PELP1: variants seen among roughly 807,000 people sequenced by gnomAD.
PELP1 encodes the protein proline-, glutamic acid- and leucine-rich protein 1.
PELP1 carries 32 observed loss-of-function variants against 95.5 expected under a neutral mutation model. The observed-to-expected ratio is 0.34, with a 90% CI of 0.25 to 0.45. The LOEUF is 0.45. Ranked by LOEUF, PELP1 falls within the 20% of genes least tolerant of loss-of-function variation. The probability of loss-of-function intolerance (pLI) is 1.00; values close to 1 mark genes in which losing one functional copy is unlikely to be tolerated. For missense variants in PELP1, 1,358 were observed against 1,444.8 expected (o/e 0.94, Z 0.97); for synonymous variants, 668 against 600.1 (o/e 1.11, Z -1.65).
In PELP1 at chr17:4,676,749, T is replaced by C; in HGVS notation, c.702+4A>G. ...GGCTCTCCCTCTCCCTCCCTGCCCTTTACCTGTTGGAGCTGAGGGCTCAAG... is the reference window on the plus strand; with the variant it reads ...GGCTCTCCCTCTCCCTCCCTGCCCTCTACCTGTTGGAGCTGAGGGCTCAAG... On this transcript the variant is annotated splice_donor_region_variant and intron_variant, in intron 6 of 16. Coordinates refer to ENST00000572293, the MANE Select transcript of PELP1 (RefSeq NM_014389.3). 6.4e-7 allele frequency: 1 copy of C among 1,566,942 alleles called. No individual in the cohort carries two copies. Among genetic ancestry groups the C allele is most frequent in the East Asian group, 2.4e-5 (1 of 42,172 alleles).
chr17:4,679,796 AGCT>A (rs1912626288), intron 5 of PELP1, among the ~76,000 whole-genome samples: 1 of 152,224 alleles, frequency 6.6e-6, no homozygotes, highest in Non-Finnish European at 1.5e-5. Flanking sequence ...AGATTCTATT[AGCT>A]GTGATTAGAG....
At chr17:4,698,415 C>T (rs1440521334) in intron 1 of PELP1, among the ~76,000 whole-genome samples, 1 of 150,980 alleles carries the variant, frequency 6.6e-6, no homozygotes, top group Non-Finnish European at 1.5e-5. Flanking sequence ...GGTGGATGAT[C>T]TGAGGTCAGG....
chr17:4,675,870 G>T lies in PELP1; in HGVS notation c.995C>A (p.Ala332Asp). The change falls in exon 9 of 17, where the codon GCT becomes GAT. Residue 332 changes from alanine (A) to aspartate (D), a missense_variant. Ala to Asp is a moderately radical substitution (Grantham distance 126, BLOSUM62 -2). Coordinates refer to ENST00000572293, the MANE Select transcript of PELP1 (RefSeq NM_014389.3). This position sits in a 1 kb window ranked among gnomAD's most constrained non-coding sequence, Gnocchi z 4.3. ...TTCCTGCACAGGGACGGACACGGGA[G>T]CTCCAAACTCAGAGCTAAAGAGAAT... ...LGLMLSSEFG[A>D]PVSVPVQEIL... 6.3e-7 allele frequency: 1 copy of T among 1,592,152 alleles called. No homozygotes were observed. The highest frequency in any genetic ancestry group is 8.6e-7 in the Non-Finnish European group (1 of 1,169,254).
Position 4,682,827 on chromosome 17 carries a change from G to C in PELP1, c.546C>G (p.Thr182=). ...ISMNHLPGLL[T]SLLGLRPECE... ...CCTCTGGCCTGAGGCCCAGCAGGGA[G>C]GTGAGAAGGCCAGGGAGGTGGTTCA... Residue 182 remains threonine, a synonymous_variant, in exon 4 of 17, where the codon ACC becomes ACG. Coordinates refer to ENST00000572293, the MANE Select transcript of PELP1 (RefSeq NM_014389.3). The C allele has an allele frequency of 6.3e-7, 1 of 1,594,028 alleles. No homozygotes were observed. The highest frequency in any genetic ancestry group is 8.5e-7 in the Non-Finnish European group (1 of 1,171,748).
Position 4,683,387 on chromosome 17 carries a change from A to C in PELP1, c.421-435T>G, listed in dbSNP as rs373130617. Among the ~76,000 whole-genome samples, 20 of 151,566 alleles carry C rather than the reference A, an allele frequency of 1.3e-4. No individual in the cohort carries two copies. In the East Asian group the frequency reaches 1.6e-3, roughly 12 times the overall value. On this transcript the variant is annotated intron_variant, in intron 3 of 16. Transcript: ENST00000572293. ...AAGCGCCCGCCACCACGCCTGACTA[A>C]TTTTTTGTATTTTTAGTAGAGACGG...
chr17:4,694,884 T>G (rs1913237183), intron 1 of PELP1, among the ~76,000 whole-genome samples: 1 of 151,170 alleles, frequency 6.6e-6, no homozygotes, highest in South Asian at 2.1e-4. Flanking sequence ...GGAAGGAGAA[T>G]CGCTTGAACC....
Position 4,671,403 on chromosome 17 carries a change from C to A in PELP1, c.*36G>T, listed in dbSNP as rs1217298703. On this transcript the variant is annotated 3_prime_UTR_variant, in exon 17 of 17. Transcript: ENST00000572293. ...CAGCAGTCGCTATCTAAGGACATAA[C>A]TTTATTGGAAACAAAGAGTGGGGTG... 1 of 1,159,830 alleles carries A rather than the reference C, an allele frequency of 8.6e-7. No individual in the cohort carries two copies. Among genetic ancestry groups the A allele is most frequent in the Admixed American group, 1.7e-5 (1 of 59,034 alleles). 71.8% of individuals were successfully genotyped at this position (1,159,830 alleles called of 1,614,324 possible).
At chr17:4,689,823 T>C (rs12945073) in intron 3 of PELP1, among the ~76,000 whole-genome samples, 148,857 of 152,236 alleles carry the variant, frequency 0.98, 72,859 homozygotes, top group Middle Eastern at 1. Context: ...GTCAGGAGTT[T>C]GAGACCAGCC....
chr17:4,680,364 G>A (rs1264016400), intron 5 of PELP1, among the ~76,000 whole-genome samples: 1 of 151,948 alleles, frequency 6.6e-6, no homozygotes, highest in Admixed American at 6.6e-5. Context: ...GGCAACCTCC[G>A]CCTCCTGGGT....
intron 1 of PELP1, among the ~76,000 whole-genome samples, chr17:4,694,808 T>C (rs556687988): frequency 1.5e-3 from 188 of 121,964 alleles, no homozygotes; most frequent in Middle Eastern, 7.7e-3. Flanking sequence ...CCGGCTCTAC[T>C]AAAAATACAA....
chr17:4,683,831 T>C (rs1912808676), intron 3 of PELP1, among the ~76,000 whole-genome samples: 2 of 103,142 alleles, frequency 1.9e-5, no homozygotes, highest in Admixed American at 1.8e-4. Flanking sequence ...TGCCCAGCCT[T>C]TTTTTTTTTT....
intron 1 of PELP1, among the ~76,000 whole-genome samples, chr17:4,698,672 A>G (rs1597458808): frequency 1.3e-5 from 2 of 151,204 alleles, no homozygotes; most frequent in African/African-American, 2.4e-5. Flanking sequence ...ACAAACAACA[A>G]CAAAAAAAAC....
rs1567659478 is a variant in PELP1 at position 4,672,272 on chromosome 17, C to T, written c.2719G>A (p.Glu907Lys). Residue 907 changes from glutamate to lysine, a missense_variant, in exon 16 of 17, where the codon GAG becomes AAG. Glu to Lys is a moderately conservative substitution (Grantham distance 56). This residue lies in a region of PELP1 where 283 missense variants were observed against 284.1 expected (regional missense o/e 1.00). Coordinates refer to ENST00000572293, the MANE Select transcript of PELP1 (RefSeq NM_014389.3). Reference protein sequence around the residue: ...EEEEEEEEEEEEDFEEEEEDE... With the variant: ...EEEEEEEEEEKEDFEEEEEDE... Reference sequence around the variant, plus strand: ...TCTTCCTCTTCCTCAAAGTCTTCCTCCTCTTCCTCTTCTTCCTCTTCTTCT... The same window carrying T: ...TCTTCCTCTTCCTCAAAGTCTTCCTTCTCTTCCTCTTCTTCCTCTTCTTCT... The T allele has an allele frequency of 4.5e-6, 7 of 1,552,512 alleles. No individual in the cohort carries two copies. The highest frequency in any genetic ancestry group is 6.1e-6 in the Non-Finnish European group (7 of 1,147,388).
In PELP1 at chr17:4,676,359, G is replaced by T; in HGVS notation, c.851C>A (p.Thr284Asn). Residue 284 changes from threonine (T) to asparagine (N), a missense_variant and splice_region_variant, in exon 7 of 17, where the codon ACT becomes AAT. Coordinates refer to ENST00000572293, the MANE Select transcript of PELP1 (RefSeq NM_014389.3). ...TAACTAGCAGCCCTGGTCCCTACCA[G>T]TCTCTGCTCCCTCGTACAGGGCCCC... ...LLGALYEGAE[T>N]APVQNEGPGV... is the part of the protein sequence containing the mutation. 1 of 1,612,952 alleles carries T rather than the reference G, an allele frequency of 6.2e-7. No homozygotes were observed. Among genetic ancestry groups the T allele is most frequent in the Non-Finnish European group, 8.5e-7 (1 of 1,179,376 alleles).
rs902210206 is a variant in PELP1, at chr17:4,671,500, T to A, written c.3332A>T (p.Asp1111Val). ...EQDDTAAMLADFIDCPPDDEK... is the reference protein window; with the variant it reads ...EQDDTAAMLAVFIDCPPDDEK... ...ATCATCAGGGGGACAATCGATGAAG[T>A]CGGCCAGCATGGCAGCTGTGTCATC... Residue 1111 changes from aspartate (D) to valine (V), a missense_variant, in exon 17 of 17, where the codon GAC becomes GTC. By Grantham distance (152) the Asp-to-Val change is radical (BLOSUM62 -3). Around this residue, in one of 7 missense-constraint regions of PELP1, gnomAD observed 283 missense variants for 284.1 expected, o/e 1.00. Coordinates refer to ENST00000572293, the MANE Select transcript of PELP1 (RefSeq NM_014389.3). The A allele has an allele frequency of 1.2e-6, 2 of 1,613,586 alleles. No homozygotes were observed. Among genetic ancestry groups the A allele is most frequent in the African/African-American group, 2.7e-5 (2 of 74,890 alleles).
chr17:4,683,313 C>T (rs889729823), intron 3 of PELP1, among the ~76,000 whole-genome samples: 13 of 150,322 alleles, frequency 8.6e-5, no homozygotes, highest in African/African-American at 1.5e-4. Context: ...CTCCGCCTCC[C>T]GGGTTCACGC....
At chr17:4,674,314 C>G (rs1912360628) in intron 13 of PELP1, among the ~76,000 whole-genome samples, 196 bp downstream of exon 13, 2 of 152,266 alleles carry the variant, frequency 1.3e-5, no homozygotes, top group African/African-American at 4.8e-5. Flanking sequence ...GGGCTTCCGC[C>G]TGGCTCTGCA....
Position 4,673,442 on chromosome 17 carries a change from C to G in PELP1, c.1653G>C (p.Leu551=). 6.3e-7 allele frequency: 1 copy of G among 1,590,656 alleles called. No individual in the cohort carries two copies. The highest frequency in any genetic ancestry group is 8.6e-7 in the Non-Finnish European group (1 of 1,168,920). ...KEETHRRLHD[L]VLPLVMGVQQ... ...GTACACCCATGACCAGGGGGAGGAC[C>G]AGGTCATGCAGTCTCTGAAAAGGAC... Residue 551 remains leucine, a synonymous_variant, in exon 15 of 17, where the codon CTG becomes CTC. Coordinates refer to ENST00000572293, the MANE Select transcript of PELP1 (RefSeq NM_014389.3). This position sits in a 1 kb window ranked among gnomAD's most constrained non-coding sequence, Gnocchi z 5.7.
intron 5 of PELP1, among the ~76,000 whole-genome samples, chr17:4,677,554 A>C (rs1472835003): frequency 6.6e-6 from 1 of 152,232 alleles, no homozygotes; most frequent in African/African-American, 2.4e-5. Flanking sequence ...CACATCCTGA[A>C]ATATCATTCA....
Sources: allele counts gnomAD v4.1 joint callset (sites outside exome capture counted in the v4.1 genomes callset), GRCh38; gene constraint gnomAD v4.1.1; regional missense constraint gnomAD v4.1.1; non-coding constraint Gnocchi (gnomAD v3.1); transcripts MANE v1.5; gene names NCBI Gene and HGNC (gene_info 2026-07-23, HGNC 2026-07-21).